Variants in TENM2 observed in about 807,000 individuals in gnomAD.
TENM2 encodes the protein teneurin-2.
A neutral mutation model predicts 245.2 loss-of-function variants in TENM2; 52 were observed. The ratio of observed to expected loss-of-function variants is 0.21; its 90% confidence interval spans 0.17 to 0.27. The LOEUF (loss-of-function observed/expected upper bound fraction) is 0.27. Ranked by LOEUF, TENM2 falls within the 10% of genes least tolerant of loss-of-function variation. The probability of loss-of-function intolerance (pLI) is 1.00; values close to 1 mark genes in which losing one functional copy is unlikely to be tolerated. For missense variants in TENM2, 3,046 were observed against 3,666.8 expected (o/e 0.83, Z 4.37); for synonymous variants, 1,363 against 1,438.9 (o/e 0.95, Z 1.19).
rs769582638 is a variant in TENM2, at chr5:167,970,167, A to G, written c.947+17345A>G. Reference sequence around the variant, plus strand: ...TGCCAGAGCACAGAAGGGGGTTTACAGCTGATTCCAATAAGAAGTCGAAAA... The same window carrying G: ...TGCCAGAGCACAGAAGGGGGTTTACGGCTGATTCCAATAAGAAGTCGAAAA... On this transcript the variant is annotated intron_variant, in intron 4 of 28. Transcript: ENST00000518659. Among the ~76,000 whole-genome samples the G allele has an allele frequency of 1.7e-3, 256 of 152,340 alleles. 3 individuals are homozygous for G. The highest frequency in any genetic ancestry group is 3.4e-4 in the Non-Finnish European group (23 of 68,032).
At chr5:167,262,687 T>C in the TENM2 span, among the ~76,000 whole-genome samples, 3 of 152,108 alleles carry the variant, frequency 2.0e-5, no homozygotes, top group African/African-American at 7.2e-5. Context: ...TGGGAAGATA[T>C]TCCTGGAACT....
At chr5:167,510,753 G>C (rs1338334470) in intron 2 of TENM2, among the ~76,000 whole-genome samples, 1 of 152,110 alleles carries the variant, frequency 6.6e-6, no homozygotes, top group South Asian at 2.1e-4. Context: ...TGTTTGTTTG[G>C]ACTGGGGAAC....
chr5:167,787,227 CT>C (rs1424472025), intron 2 of TENM2, among the ~76,000 whole-genome samples: 1 of 152,078 alleles, frequency 6.6e-6, no homozygotes, highest in African/African-American at 2.4e-5. Flanking sequence ...CAGAGCACTT[CT>C]TTTGTTGGTC....
Position 167,954,183 on chromosome 5 carries a change from TCA to T in TENM2, c.947+1378_947+1379del, listed in dbSNP as rs369023821. On this transcript the variant is annotated intron_variant, in intron 4 of 28. Transcript: ENST00000518659. ...AACGTGTGTGCACACACACACTCAC[TCA>T]CACACACACACACACAAACAAACAC... is the stretch of plus-strand genomic sequence containing the variant. Among the ~76,000 whole-genome samples, 1,409 of 149,156 alleles carry T rather than the reference TCA, an allele frequency of 9.4e-3. 11 individuals are homozygous for T. Among genetic ancestry groups the T allele is most frequent in the African/African-American group, 0.023 (959 of 40,938 alleles).
chr5:167,863,458 TACACACACACACAC>T (rs35475369), intron 2 of TENM2, among the ~76,000 whole-genome samples: 8 of 143,232 alleles, frequency 5.6e-5, no homozygotes, highest in Admixed American at 7.0e-5. Context: ...CTACTAAAAA[TACACACACACACAC>T]ACACACACAC....
intron 2 of TENM2, among the ~76,000 whole-genome samples, chr5:167,789,170 G>A (rs566982183): frequency 3.3e-5 from 5 of 152,274 alleles, no homozygotes; most frequent in East Asian, 1.9e-4. Flanking sequence ...GCTAGGCCTC[G>A]AAAATAATTT....
chr5:167,742,420 T>C (rs1761244171), intron 2 of TENM2, among the ~76,000 whole-genome samples: 2 of 151,974 alleles, frequency 1.3e-5, no homozygotes, highest in African/African-American at 4.8e-5. Flanking sequence ...AAACTAATTC[T>C]AAAAATAGTA....
chr5:167,909,527 T>A (rs528125564), intron 3 of TENM2, among the ~76,000 whole-genome samples: 92 of 152,356 alleles, frequency 6.0e-4, no homozygotes, highest in African/African-American at 2.2e-3. Flanking sequence ...TCATTTATAA[T>A]TGTGTGGTCA....
At chr5:167,940,158 GAGATTTGTCTCAA>G (rs1779058569) in intron 3 of TENM2, among the ~76,000 whole-genome samples, 1 of 152,162 alleles carries the variant, frequency 6.6e-6, no homozygotes, top group Non-Finnish European at 1.5e-5. Flanking sequence ...TCAAGCTTTT[GAGATTTGTCTCAA>G]ATGATACCGC....
intron 1 of TENM2, among the ~76,000 whole-genome samples, chr5:167,325,086 G>A (rs1356706252): frequency 1.3e-5 from 2 of 152,146 alleles, no homozygotes; most frequent in Admixed American, 6.5e-5. Context: ...CTCTTAAACT[G>A]AGAATGAATG....
intron 1 of TENM2, among the ~76,000 whole-genome samples, chr5:167,355,084 C>T (rs1370992917): frequency 6.6e-6 from 1 of 152,084 alleles, no homozygotes; most frequent in Non-Finnish European, 1.5e-5. Flanking sequence ...TTATGAGATC[C>T]CCAAAAGCAA....
intron 3 of TENM2, among the ~76,000 whole-genome samples, chr5:167,942,286 G>A (rs1239349615): frequency 6.6e-6 from 1 of 152,200 alleles, no homozygotes; most frequent in African/African-American, 2.4e-5. Context: ...GGCCTTCTAT[G>A]TGTGATGCAT....
At chr5:167,860,094 C>G (rs1456877201) in intron 2 of TENM2, among the ~76,000 whole-genome samples, 194 of 59,102 alleles carry the variant, frequency 3.3e-3, no homozygotes, top group African/African-American at 0.014. Flanking sequence ...CCAGCCGCCC[C>G]GTCCGGGAGG....
intron 1 of TENM2, among the ~76,000 whole-genome samples, chr5:167,294,446 C>A (rs1184532996): frequency 6.6e-6 from 1 of 152,086 alleles, no homozygotes; most frequent in African/African-American, 2.4e-5. Context: ...GTTCACATGA[C>A]AGTGCAGGTA....
chr5:167,362,868 CAATAAT>C (rs1759797340), intron 1 of TENM2, among the ~76,000 whole-genome samples: 1 of 152,030 alleles, frequency 6.6e-6, no homozygotes, highest in African/African-American at 2.4e-5. Context: ...ATTAAGAGTA[CAATAAT>C]AATAATAGTA....
chr5:168,139,619 T>A (rs920271151), intron 12 of TENM2: 3 of 454,858 alleles, frequency 6.6e-6, no homozygotes, highest in Non-Finnish European at 1.3e-5. Context: ...ATGAATTAAG[T>A]ATCTGTGTTG....
chr5:167,070,753 C>T, the TENM2 span, among the ~76,000 whole-genome samples: 2 of 151,948 alleles, frequency 1.3e-5, no homozygotes, highest in Admixed American at 6.6e-5. Context: ...AGCTGTAGAG[C>T]CTGGTGATTT....
intron 2 of TENM2, among the ~76,000 whole-genome samples, chr5:167,628,037 C>T (rs1778624866): frequency 6.6e-6 from 1 of 152,194 alleles, no homozygotes. Context: ...CCGGATTATG[C>T]TTCACATAGC....
chr5:167,541,341 T>C lies in TENM2; in HGVS notation c.502+165868T>C, dbSNP rs143391570. Among the ~76,000 whole-genome samples, 657 of 152,306 alleles carry C rather than the reference T, an allele frequency of 4.3e-3. 3 individuals are homozygous for C. The highest frequency in any genetic ancestry group is 6.5e-3 in the Non-Finnish European group (442 of 68,018). On this transcript the variant is annotated intron_variant, in intron 2 of 28. Coordinates refer to ENST00000518659, the Ensembl canonical transcript of TENM2. ...GTACACACATATTAAATTTATTGAC[T>C]ATATCCTGCAGAGTTAATGATGGGT...
Sources: gnomAD v4.1 joint callset for allele counts (sites outside exome capture counted in the v4.1 genomes callset) on GRCh38, gnomAD v4.1.1 for gene constraint, MANE v1.5 for transcripts, NCBI Gene and HGNC (gene_info 2026-07-23, HGNC 2026-07-21) for gene names.